Variants in ITGAV observed in about 807,000 individuals in gnomAD.
ITGAV encodes integrin alpha-V.
Under a neutral mutation model 143.8 loss-of-function variants are expected in ITGAV, and 76 were observed. The observed-to-expected ratio is 0.53, with a 90% confidence interval of 0.44 to 0.64. The LOEUF is 0.64. Ranked by LOEUF, ITGAV falls within the 30% of genes least tolerant of loss-of-function variation. The pLI is 0.00. For missense variants in ITGAV, 1,193 were observed against 1,274.7 expected, an observed-to-expected ratio of 0.94 and a Z score of 0.98; for synonymous variants, 453 against 446.7, an observed-to-expected ratio of 1.01 and a Z score of -0.18.
chr2:186,664,889 C>T (rs1428293350), intron 20 of ITGAV, among the ~76,000 whole-genome samples: 2 of 152,176 alleles, frequency 1.3e-5, no homozygotes, highest in Non-Finnish European at 2.9e-5. Flanking sequence ...GTGTCTAAGC[C>T]TGTCCATCAA....
At position 186,677,735 on chromosome 2, in the gene ITGAV, C is replaced by T. The variant is rs200276350; in HGVS notation, c.*443C>T. 1.9e-5 allele frequency: 3 copies of T among 158,442 alleles called. No homozygotes were observed. Among genetic ancestry groups the T allele is most frequent in the Admixed American group, 6.1e-5 (1 of 16,268 alleles). 9.8% of individuals were successfully genotyped at this position (158,442 alleles called of 1,614,324 possible). A position where few individuals can be genotyped will look rare whatever the true frequency, so the allele number is the denominator to read the frequency against. ...TTTGTATAGGTACTTAATGTTAATA[C>T]ATATTACACTACAGTTTACTTTTCA... is the stretch of plus-strand genomic sequence containing the variant. On this transcript the variant is annotated 3_prime_UTR_variant, in exon 30 of 30. Transcript: ENST00000261023.
intron 7 of ITGAV, 23 bp from the exon 8 acceptor site, chr2:186,637,042 C>A: frequency 6.2e-7 from 1 of 1,608,352 alleles, no homozygotes; most frequent in Non-Finnish European, 8.5e-7. Flanking sequence ...CCTGATGGTT[C>A]TCCCCTTTGG....
rs186075342 is a variant in ITGAV, at chr2:186,593,005, A to G, written c.185+2482A>G. On this transcript the variant is annotated intron_variant, in intron 1 of 29. Transcript: ENST00000261023. ...TAAATTTAACAAGCATTGGAATCCA[A>G]GGTACTTGGGATGCCATTTCCAATA... 3.3e-5 allele frequency among the ~76,000 whole-genome samples: 5 copies of G among 152,264 alleles called. No individual in the cohort carries two copies. In the East Asian group the frequency reaches 9.7e-4, roughly 29 times the overall value.
Position 186,612,652 on chromosome 2 carries a change from AT to A in ITGAV, c.317-9684del, listed in dbSNP as rs1687247236. 2.0e-5 allele frequency among the ~76,000 whole-genome samples: 3 copies of A among 152,292 alleles called. No individual in the cohort carries two copies. The South Asian group carries it at 6.2e-4, about 32-fold the overall frequency. ...TTGTATTTAATAGAGAATATAAAAC[AT>A]TTAGCTGTTTTCTAGCTTCTGCAGT... On this transcript the variant is annotated intron_variant, in intron 2 of 29. Transcript: ENST00000261023.
intron 2 of ITGAV, among the ~76,000 whole-genome samples, chr2:186,616,167 A>G (rs1393973327): frequency 6.6e-6 from 1 of 152,136 alleles, no homozygotes; most frequent in Non-Finnish European, 1.5e-5. Context: ...TAAAAATACT[A>G]AAAGTGTCAC....
chr2:186,670,795 C>T (rs1288260104), intron 26 of ITGAV, among the ~76,000 whole-genome samples: 1 of 152,170 alleles, frequency 6.6e-6, no homozygotes, highest in Admixed American at 6.5e-5. Context: ...CTGCATTGAA[C>T]TTCAGATTCC....
chr2:186,659,064 C>T lies in ITGAV; in HGVS notation c.1746C>T (p.Leu582=), dbSNP rs1688668019. Residue 582 remains leucine (L), a synonymous_variant, in exon 18 of 30, where the codon CTC becomes CTT. Coordinates refer to ENST00000261023, the MANE Select transcript of ITGAV (RefSeq NM_002210.5). The part of the protein sequence containing the change: ...LRDESEFRDK[L]TPITIFMEYR... ...ATGAATCTGAATTTAGAGACAAACT[C>T]ACTCCAATTACTATTTTTATGGAAT... is the stretch of plus-strand genomic sequence containing the variant. 2.5e-6 allele frequency: 4 copies of T among 1,609,460 alleles called. No individual in the cohort carries two copies. Among genetic ancestry groups the T allele is most frequent in the African/African-American group, 1.3e-5 (1 of 74,812 alleles).
chr2:186,600,345 G>T, intron 1 of ITGAV: 1 of 1,541,804 alleles, frequency 6.5e-7, no homozygotes, highest in Non-Finnish European at 8.8e-7. Context: ...ATGCTCCTAG[G>T]CACCCTCCTT....
intron 1 of ITGAV, among the ~76,000 whole-genome samples, chr2:186,601,385 A>G (rs1190304429): frequency 1.3e-5 from 2 of 151,942 alleles, no homozygotes; most frequent in African/African-American, 2.4e-5. Flanking sequence ...CGCTTGAGCC[A>G]GGAGTTGGAG....
At chr2:186,594,565 A>G (rs989994064) in intron 1 of ITGAV, among the ~76,000 whole-genome samples, 4 of 152,172 alleles carry the variant, frequency 2.6e-5, no homozygotes, top group Non-Finnish European at 4.4e-5. Context: ...CGTGCAGAAC[A>G]TCTTGTCTGT....
At chr2:186,605,618 G>T (rs561248610) in intron 2 of ITGAV, among the ~76,000 whole-genome samples, 13 of 151,710 alleles carry the variant, frequency 8.6e-5, no homozygotes, top group Non-Finnish European at 1.8e-4. Context: ...GAGACTCCAG[G>T]GCCTAAACAT....
intron 18 of ITGAV, among the ~76,000 whole-genome samples, chr2:186,660,279 A>C (rs546414348): frequency 6.6e-6 from 1 of 152,338 alleles, no homozygotes; most frequent in Non-Finnish European, 1.5e-5. Flanking sequence ...AAGTAGGCTA[A>C]CTTTTGAAAC....
chr2:186,600,384 G>C lies in ITGAV; in HGVS notation c.186-1637G>C, dbSNP rs1320582869. ...ATCCTGTACATCTTAATGTTGTGGTGAGTTCCTTAGAAATAACTTCTCTGT... is the reference window on the plus strand; with the variant it reads ...ATCCTGTACATCTTAATGTTGTGGTCAGTTCCTTAGAAATAACTTCTCTGT... On this transcript the variant is annotated intron_variant, in intron 1 of 29. Coordinates refer to ENST00000261023, the MANE Select transcript of ITGAV (RefSeq NM_002210.5). 4 of 1,532,900 alleles carry C rather than the reference G, an allele frequency of 2.6e-6. No individual in the cohort carries two copies. In the East Asian group the frequency reaches 9.8e-5, roughly 38 times the overall value. 95.0% of individuals were successfully genotyped at this position (1,532,900 alleles called of 1,614,324 possible).
intron 12 of ITGAV, among the ~76,000 whole-genome samples, chr2:186,641,970 A>T (rs1357658442): frequency 6.6e-6 from 1 of 152,168 alleles, no homozygotes; most frequent in Non-Finnish European, 1.5e-5. Flanking sequence ...TTCCAGGCAC[A>T]TTGTCAAGGC....
At chr2:186,652,864 C>G (rs186737029) in intron 15 of ITGAV, among the ~76,000 whole-genome samples, 2 of 151,316 alleles carry the variant, frequency 1.3e-5, no homozygotes, top group Non-Finnish European at 2.9e-5. Flanking sequence ...CTTCTCTACT[C>G]CATTCTTTCT....
intron 24 of ITGAV, among the ~76,000 whole-genome samples, chr2:186,668,205 TATATATATATA>T (rs1282511529): frequency 3.7e-4 from 8 of 21,820 alleles, no homozygotes; most frequent in East Asian, 1.9e-3. Flanking sequence ...TATATATATA[TATATATATATA>T]TTTTTTTTTT....
intron 2 of ITGAV, among the ~76,000 whole-genome samples, chr2:186,608,798 A>C (rs1233422568): frequency 6.6e-6 from 1 of 152,102 alleles, no homozygotes; most frequent in East Asian, 1.9e-4. Flanking sequence ...ATAGAAATAG[A>C]CTCTAGCTAA....
chr2:186,668,215 TA>T (rs1385354387), intron 24 of ITGAV, among the ~76,000 whole-genome samples: 2 of 32,546 alleles, frequency 6.1e-5, no homozygotes, highest in African/African-American at 1.1e-4. Context: ...TATATATATA[TA>T]TTTTTTTTTT....
chr2:186,652,827 A>G (rs1194247773), intron 15 of ITGAV, among the ~76,000 whole-genome samples: 1 of 151,620 alleles, frequency 6.6e-6, no homozygotes, highest in African/African-American at 2.4e-5. Flanking sequence ...AAATATAATA[A>G]TTTTTCATAA....
Sources: allele counts gnomAD v4.1 joint callset (sites outside exome capture counted in the v4.1 genomes callset), GRCh38; gene constraint gnomAD v4.1.1; transcripts MANE v1.5; gene names NCBI Gene and HGNC (gene_info 2026-07-23, HGNC 2026-07-21).